The following PHKB variants were observed in gnomAD, a reference collection of about 807,000 sequenced individuals.
The protein encoded by PHKB is phosphorylase kinase regulatory subunit beta, also known as phosphorylase b kinase regulatory subunit beta.
Under a neutral mutation model 152.1 loss-of-function variants are expected in PHKB, and 122 were observed. The observed-to-expected ratio is 0.80, with a 90% confidence interval of 0.69 to 0.93. PHKB has a LOEUF of 0.93. Ranked by LOEUF, PHKB falls within the 40% of genes least tolerant of loss-of-function variation. The probability of loss-of-function intolerance (pLI) is 0.00; values close to 1 mark genes in which losing one functional copy is unlikely to be tolerated. For synonymous variants in PHKB, 436 were observed against 464.9 expected, an observed-to-expected ratio of 0.94 and a Z score of 0.80; for missense variants, 1,304 against 1,328.4, an observed-to-expected ratio of 0.98 and a Z score of 0.29.
At chr16:47,586,533 G>A (rs1021487884) in intron 8 of PHKB, among the ~76,000 whole-genome samples, 7 of 152,122 alleles carry the variant, frequency 4.6e-5, no homozygotes, top group African/African-American at 1.7e-4. Flanking sequence ...ACAAACATGG[G>A]CTACTAGGAA....
At chr16:47,558,996 T>C (rs1279207608) in intron 7 of PHKB, among the ~76,000 whole-genome samples, 5 of 152,222 alleles carry the variant, frequency 3.3e-5, no homozygotes, top group African/African-American at 1.2e-4. Context: ...TTTGAATAAG[T>C]TATTTTCTCT....
chr16:47,526,525 C>T (rs1036718501), intron 6 of PHKB, among the ~76,000 whole-genome samples: 3 of 151,842 alleles, frequency 2.0e-5, no homozygotes, highest in African/African-American at 7.3e-5. Context: ...CCTTCCCAAC[C>T]AGGCCCCATC....
At chr16:47,520,470 T>C (rs1597051517) in intron 6 of PHKB, among the ~76,000 whole-genome samples, 1 of 152,352 alleles carries the variant, frequency 6.6e-6, no homozygotes, top group African/African-American at 2.4e-5. Flanking sequence ...TGGCAGGGCT[T>C]GGATTTAAAC....
rs1043960499 is a variant in PHKB at position 47,473,218 on chromosome 16, ATTTTTTTTTTTTTTTTTTT to A, written c.76+11808_76+11826del. Among the ~76,000 whole-genome samples the A allele has an allele frequency of 7.5e-3, 367 of 48,798 alleles. 5 individuals carry two copies. Among genetic ancestry groups the A allele is most frequent in the African/African-American group, 0.025 (324 of 12,808 alleles). The allele number at this position is 48,798 out of a possible 152,430, so 32.0% of individuals were successfully genotyped here. On this transcript the variant is annotated intron_variant, in intron 1 of 30. Coordinates refer to ENST00000323584, the MANE Select transcript of PHKB (RefSeq NM_000293.3). ...AGGTGTGCACTACCATGCCTGGCTA[ATTTTTTTTTTTTTTTTTTT>A]TTTTTTTTTTTTTTTATTGTAGAGA...
chr16:47,471,831 G>T (rs914846462), intron 1 of PHKB, among the ~76,000 whole-genome samples: 2 of 152,142 alleles, frequency 1.3e-5, no homozygotes, highest in African/African-American at 4.8e-5. Context: ...AAATGTATAT[G>T]TGTCACGAGG....
intron 7 of PHKB, among the ~76,000 whole-genome samples, chr16:47,552,008 C>T (rs1016209620): frequency 6.6e-6 from 1 of 152,116 alleles, no homozygotes; most frequent in South Asian, 2.1e-4. Flanking sequence ...GATTTAAAGT[C>T]TGTTTTATCA....
At chr16:47,484,495 A>G (rs1242555591) in intron 1 of PHKB, among the ~76,000 whole-genome samples, 1 of 152,236 alleles carries the variant, frequency 6.6e-6, no homozygotes, top group Non-Finnish European at 1.5e-5. Flanking sequence ...GTATGCATAT[A>G]CAAATAATTT....
At chr16:47,662,755 G>C (rs1200580657) in intron 23 of PHKB, among the ~76,000 whole-genome samples, 1 of 152,104 alleles carries the variant, frequency 6.6e-6, no homozygotes, top group Non-Finnish European at 1.5e-5. Context: ...AGTATAAGCA[G>C]AATCTCAGTT....
intron 7 of PHKB, among the ~76,000 whole-genome samples, chr16:47,572,490 ATCTGGAGAAGC>A (rs1971678481): frequency 1.3e-5 from 2 of 152,160 alleles, no homozygotes; most frequent in Non-Finnish European, 2.9e-5. Context: ...ATAGTCAACC[ATCTGGAGAAGC>A]TCTGGAGAAG....
intron 26 of PHKB, among the ~76,000 whole-genome samples, chr16:47,684,398 T>C (rs963230961): frequency 6.6e-6 from 1 of 152,212 alleles, no homozygotes; most frequent in African/African-American, 2.4e-5. Context: ...TTATTTCATA[T>C]TGTACTCCTT....
chr16:47,616,404 A>G (rs1030870966), intron 14 of PHKB, among the ~76,000 whole-genome samples: 7 of 150,140 alleles, frequency 4.7e-5, no homozygotes, highest in African/African-American at 1.7e-4. Flanking sequence ...TCCAGTTGTC[A>G]CCATTTGTTG....
intron 26 of PHKB, among the ~76,000 whole-genome samples, chr16:47,688,608 G>T (rs1351703983): frequency 6.7e-6 from 1 of 149,790 alleles, no homozygotes; most frequent in Non-Finnish European, 1.5e-5. Flanking sequence ...AGATTTCAGA[G>T]AAAGGAACAT....
At chr16:47,530,216 A>C (rs1318465627) in intron 6 of PHKB, among the ~76,000 whole-genome samples, 4 of 150,600 alleles carry the variant, frequency 2.7e-5, no homozygotes, top group African/African-American at 9.8e-5. Flanking sequence ...GCTTACTGCA[A>C]CCTCTGCCTC....
At chr16:47,646,610 A>G (rs1311873398) in intron 16 of PHKB, among the ~76,000 whole-genome samples, 3 of 150,902 alleles carry the variant, frequency 2.0e-5, no homozygotes, top group Admixed American at 2.0e-4. Flanking sequence ...ACATACAAAG[A>G]GTCATTAAAT....
rs540813449 is a variant in PHKB at position 47,510,490 on chromosome 16, T to G, written c.406-1175T>G. Among the ~76,000 whole-genome samples, 6 of 152,330 alleles carry G rather than the reference T, an allele frequency of 3.9e-5. No individual in the cohort carries two copies. The South Asian group carries it at 1.0e-3, about 26-fold the overall frequency. On this transcript the variant is annotated intron_variant, in intron 4 of 30. Coordinates refer to ENST00000323584, the MANE Select transcript of PHKB (RefSeq NM_000293.3). ...GAACAAACGACATTCTTTTTGCCCCTGTTGCTCAGGAAATTCGAAGGGTTC... is the reference window on the plus strand; with the variant it reads ...GAACAAACGACATTCTTTTTGCCCCGGTTGCTCAGGAAATTCGAAGGGTTC...
chr16:47,538,414 G>A (rs1376325489), intron 6 of PHKB, among the ~76,000 whole-genome samples: 1 of 152,156 alleles, frequency 6.6e-6, no homozygotes, highest in East Asian at 1.9e-4. Context: ...GTTTACTGTG[G>A]GATGTACTGT....
rs5816579 is a variant in PHKB, at chr16:47,698,601, CTTTT to C, written c.3144+31_3144+34del. ...AATTGAAAAACAAGTAAGTACACAG[CTTTT>C]TTTTTTTTTTTTTTTTTGAGAATTT... On this transcript the variant is annotated intron_variant, in intron 30 of 30. Coordinates refer to ENST00000323584, the MANE Select transcript of PHKB (RefSeq NM_000293.3). 1.3e-4 allele frequency: 92 copies of C among 730,918 alleles called. No homozygotes were observed. Among genetic ancestry groups the C allele is most frequent in the East Asian group, 2.1e-4 (4 of 19,442 alleles). 45.3% of individuals were successfully genotyped at this position (730,918 alleles called of 1,614,324 possible). A position where few individuals can be genotyped will look rare whatever the true frequency, so the allele number is the denominator to read the frequency against.
intron 8 of PHKB, among the ~76,000 whole-genome samples, chr16:47,585,462 T>A (rs1245548847): frequency 2.0e-5 from 3 of 152,342 alleles, no homozygotes; most frequent in African/African-American, 7.2e-5. Context: ...TGTCTGATTA[T>A]TTAAAGTAGG....
chr16:47,579,147 C>T (rs184694419), intron 7 of PHKB, among the ~76,000 whole-genome samples: 40 of 152,230 alleles, frequency 2.6e-4, no homozygotes, highest in African/African-American at 8.9e-4. Context: ...CTTGGTTGTA[C>T]TTAGTGAGAA....
Sources: allele counts gnomAD v4.1 joint callset (sites outside exome capture counted in the v4.1 genomes callset), GRCh38; gene constraint gnomAD v4.1.1; transcripts MANE v1.5; gene names NCBI Gene and HGNC (gene_info 2026-07-23, HGNC 2026-07-21).